Variants in SBF2 observed in about 807,000 individuals in gnomAD.
The protein encoded by SBF2 is SET binding factor 2.
SBF2 carries 112 observed loss-of-function variants against 225.2 expected under a neutral mutation model. The observed-to-expected ratio is 0.50, with a 90% CI of 0.43 to 0.58. The LOEUF (loss-of-function observed/expected upper bound fraction) is 0.58, where lower values mean the gene tolerates loss of function less well. SBF2 is among the 20% of genes least tolerant of loss of function. The pLI, the probability that SBF2 is intolerant of heterozygous loss-of-function variation, is 0.00. For synonymous variants in SBF2, 763 were observed against 773.3 expected, an observed-to-expected ratio of 0.99 and a Z score of 0.22; for missense variants, 1,996 against 2,206.2, an observed-to-expected ratio of 0.90 and a Z score of 1.91.
At chr11:10,038,576 A>G (rs1949534781) in intron 3 of SBF2, among the ~76,000 whole-genome samples, 1 of 151,956 alleles carries the variant, frequency 6.6e-6, no homozygotes, top group Non-Finnish European at 1.5e-5. Context: ...GATACTTAGC[A>G]TATGATACTT....
In SBF2 at chr11:10,236,950, A is replaced by G. The variant is rs181967938; in HGVS notation, c.56-42963T>C. ...AATAAATTACAGGACACAGATCTGG[A>G]AAGAAAAAAAGAAAACCAAAAGATA... On this transcript the variant is annotated intron_variant, in intron 1 of 39. Coordinates refer to ENST00000256190, the MANE Select transcript of SBF2 (RefSeq NM_030962.4). 6.8e-3 allele frequency among the ~76,000 whole-genome samples: 1,030 copies of G among 152,332 alleles called. 62 individuals carry two copies. The highest frequency in any genetic ancestry group is 0.056 in the Admixed American group (859 of 15,306).
intron 17 of SBF2, among the ~76,000 whole-genome samples, chr11:9,889,915 T>TTTTTTTCC (rs1731181710): frequency 6.6e-6 from 1 of 152,170 alleles, no homozygotes; most frequent in Non-Finnish European, 1.5e-5. Flanking sequence ...TTCTATTTTT[T>TTTTTTTCC]ATTTTTGAGA....
At chr11:9,882,504 A>G (rs1859853566) in intron 17 of SBF2, among the ~76,000 whole-genome samples, 1 of 152,192 alleles carries the variant, frequency 6.6e-6, no homozygotes, top group South Asian at 2.1e-4. Flanking sequence ...AACTTCTGAT[A>G]CAGTGCTTAA....
chr11:10,096,852 T>A (rs1441015935), intron 2 of SBF2, among the ~76,000 whole-genome samples: 4 of 152,134 alleles, frequency 2.6e-5, no homozygotes, highest in African/African-American at 9.7e-5. Flanking sequence ...ATAGTGCTAA[T>A]CATTCATTTT....
intron 2 of SBF2, among the ~76,000 whole-genome samples, chr11:10,100,436 G>A (rs568255045): frequency 2.6e-5 from 4 of 152,334 alleles, no homozygotes; most frequent in African/African-American, 7.2e-5. Context: ...GTCTTGGACT[G>A]GGGGCTGATT....
chr11:10,217,827 T>G (rs1300263243), intron 1 of SBF2, among the ~76,000 whole-genome samples: 4 of 152,124 alleles, frequency 2.6e-5, no homozygotes, highest in African/African-American at 9.7e-5. Context: ...AAAAGAAGTT[T>G]AATAGACTAA....
chr11:9,850,874 G>A (rs1216912167), intron 21 of SBF2, among the ~76,000 whole-genome samples: 2 of 152,112 alleles, frequency 1.3e-5, no homozygotes, highest in African/African-American at 2.4e-5. Flanking sequence ...AGTGGCTCAC[G>A]CCTGTAATCC....
intron 16 of SBF2, among the ~76,000 whole-genome samples, chr11:9,908,556 G>C (rs1451216991): frequency 6.6e-6 from 1 of 152,220 alleles, no homozygotes; most frequent in Non-Finnish European, 1.5e-5. Flanking sequence ...GAACCCGGGA[G>C]GCGGAGCTTG....
At chr11:10,172,716 G>C (rs1303692743) in intron 2 of SBF2, among the ~76,000 whole-genome samples, 1 of 151,128 alleles carries the variant, frequency 6.6e-6, no homozygotes, top group Non-Finnish European at 1.5e-5. Flanking sequence ...GCCCAGGCTG[G>C]AGTGCAGTGG....
chr11:10,277,334 G>A (rs1201798946), intron 1 of SBF2, among the ~76,000 whole-genome samples: 2 of 152,158 alleles, frequency 1.3e-5, no homozygotes, highest in African/African-American at 4.8e-5. Context: ...ATTTTTCAAT[G>A]AAGTATTTAG....
intron 2 of SBF2, among the ~76,000 whole-genome samples, chr11:10,074,379 G>C (rs1951015084): frequency 6.6e-6 from 1 of 152,060 alleles, no homozygotes. Flanking sequence ...TCTCAGAAAG[G>C]TCCATTTATA....
chr11:9,780,833 C>T, intron 39 of SBF2: 2 of 378,544 alleles, frequency 5.3e-6, no homozygotes, highest in Non-Finnish European at 1.0e-5. Flanking sequence ...TTCCCATGCA[C>T]TGCACCAATG....
chr11:10,056,435 T>C (rs1023061625), intron 2 of SBF2, among the ~76,000 whole-genome samples: 4 of 152,160 alleles, frequency 2.6e-5, no homozygotes, highest in African/African-American at 9.7e-5. Context: ...GATTTGTAAT[T>C]CTCATTGTAG....
chr11:9,822,322 G>T (rs1354237433), intron 28 of SBF2, among the ~76,000 whole-genome samples: 1 of 148,820 alleles, frequency 6.7e-6, no homozygotes, highest in African/African-American at 2.5e-5. Flanking sequence ...GTGCAGTGGC[G>T]CGATCCTGGC....
chr11:9,796,036 G>A, intron 32 of SBF2, 79 bp from the exon 33 acceptor site: 2 of 1,378,592 alleles, frequency 1.5e-6, no homozygotes, highest in South Asian at 2.4e-5. Context: ...AGGCTTAACT[G>A]AAACATGCAG....
At chr11:10,127,011 C>T (rs1953787776) in intron 2 of SBF2, among the ~76,000 whole-genome samples, 2 of 151,842 alleles carry the variant, frequency 1.3e-5, no homozygotes, top group Admixed American at 1.3e-4. Context: ...TACAAGGGAA[C>T]AGAGATTACC....
intron 34 of SBF2, among the ~76,000 whole-genome samples, chr11:9,789,750 C>CT (rs1328609401): frequency 1.3e-5 from 2 of 152,186 alleles, no homozygotes; most frequent in African/African-American, 4.8e-5. Context: ...AAGTCAAACT[C>CT]TGTCCACTCT....
intron 1 of SBF2, among the ~76,000 whole-genome samples, chr11:10,209,082 T>C (rs933105129): frequency 1.1e-4 from 17 of 152,182 alleles, no homozygotes; most frequent in Non-Finnish European, 1.5e-5. Flanking sequence ...CTGGACATGA[T>C]ACACATAAAT....
chr11:10,167,074 A>T (rs1955992044), intron 2 of SBF2, among the ~76,000 whole-genome samples: 1 of 152,116 alleles, frequency 6.6e-6, no homozygotes, highest in Admixed American at 6.5e-5. Context: ...GGATTTTTAT[A>T]CTTGTACTTA....
Sources: allele counts gnomAD v4.1 joint callset (sites outside exome capture counted in the v4.1 genomes callset), GRCh38; gene constraint gnomAD v4.1.1; transcripts MANE v1.5; gene names NCBI Gene and HGNC (gene_info 2026-07-23, HGNC 2026-07-21).